Variants in PDE4DIP observed in about 807,000 individuals in gnomAD.
PDE4DIP encodes myomegalin.
Under a neutral mutation model 221.4 loss-of-function variants are expected in PDE4DIP, and 59 were observed. The observed-to-expected ratio is 0.27, with a 90% CI of 0.22 to 0.33. The LOEUF is 0.33. PDE4DIP is among the 10% of genes least tolerant of loss of function. The pLI, the probability that PDE4DIP is intolerant of heterozygous loss-of-function variation, is 1.00. For synonymous variants in PDE4DIP, 404 were observed against 815.9 expected (o/e 0.50, Z 8.60); for missense variants, 1,036 against 2,154.2 (o/e 0.48, Z 10.28).
At chr1:148,964,112 A>ATTTT (rs11401915) in intron 9 of PDE4DIP, among the ~76,000 whole-genome samples, 1 of 92,296 alleles carries the variant, frequency 1.1e-5, no homozygotes, top group Non-Finnish European at 2.2e-5. Flanking sequence ...TCTTTCTTTC[A>ATTTT]TTTTTTTTTT....
chr1:149,009,702 T>C, exon 30 of PDE4DIP: 1 of 1,614,058 alleles, frequency 6.2e-7, no homozygotes, highest in South Asian at 1.1e-5. Context: ...ACCTCTTTCC[T>C]GTCTGATGAA....
intron 23 of PDE4DIP, among the ~76,000 whole-genome samples, chr1:149,000,442 C>T (rs2065355934): frequency 6.6e-6 from 1 of 151,828 alleles, no homozygotes; most frequent in Non-Finnish European, 1.5e-5. Context: ...GTAGTCCCAG[C>T]TACTCGGGAG....
At chr1:149,031,271 C>T in intron 43 of PDE4DIP, 2 of 531,914 alleles carry the variant, frequency 3.8e-6, no homozygotes, top group Non-Finnish European at 4.8e-6. Context: ...ACCCAAAAAT[C>T]TCTAGTATCC....
Position 148,977,920 on chromosome 1 carries a change from G to A in PDE4DIP, c.2320-17G>A, listed in dbSNP as rs370103821. 2.2e-5 allele frequency: 35 copies of A among 1,609,348 alleles called. No individual in the cohort carries two copies. The highest frequency in any genetic ancestry group is 6.7e-5 in the African/African-American group (5 of 74,624). ...TTAAAATGTAAACATGGCAGACATT[G>A]TTTCCTCTTTTCACAGATGGAACTT... On this transcript the variant is annotated splice_polypyrimidine_tract_variant and intron_variant, in intron 17 of 43. Coordinates refer to ENST00000369354, the Ensembl canonical transcript of PDE4DIP.
At position 148,907,271 on chromosome 1, in the gene PDE4DIP, G is replaced by A. The variant is rs6661106; in HGVS notation, c.141+17377G>A. Among the ~76,000 whole-genome samples the A allele has an allele frequency of 3.7e-5, 5 of 135,378 alleles. No homozygotes were observed. The East Asian group carries it at 6.2e-4, about 17-fold the overall frequency. The allele number at this position is 135,378 out of a possible 152,430, so 88.8% of individuals were successfully genotyped here. A position where few individuals can be genotyped will look rare whatever the true frequency, so the allele number is the denominator to read the frequency against. The stretch of plus-strand genomic sequence containing the variant: ...TGCAATTCTGTATCTTTTAAGTGGC[G>A]CATTTCGGCCATTTACATTCAATGT... On this transcript the variant is annotated intron_variant, in intron 1 of 43. Coordinates refer to ENST00000369354, the Ensembl canonical transcript of PDE4DIP.
chr1:148,973,998 ATT>A (rs1280674438), intron 16 of PDE4DIP, among the ~76,000 whole-genome samples: 1 of 20,200 alleles, frequency 5.0e-5, no homozygotes, highest in African/African-American at 2.0e-4. Flanking sequence ...GATGTCCAAT[ATT>A]TTCCTGTTCC....
chr1:149,007,275 G>T (rs782111540), exon 28 of PDE4DIP: 12 of 1,600,420 alleles, frequency 7.5e-6, no homozygotes, highest in Admixed American at 1.7e-5. Context: ...GAAGGGAGAG[G>T]TATTTGTTAT....
intron 1 of PDE4DIP, among the ~76,000 whole-genome samples, chr1:148,855,782 C>G (rs112338902): frequency 5.7e-5 from 8 of 141,340 alleles, no homozygotes; most frequent in African/African-American, 2.0e-4. Context: ...TGTGTTTTTA[C>G]AATTCGGGTG....
chr1:148,979,719 T>C lies in PDE4DIP; in HGVS notation c.2575-18T>C. 2 of 1,609,780 alleles carry C rather than the reference T, an allele frequency of 1.2e-6. No homozygotes were observed. The highest frequency in any genetic ancestry group is 1.7e-6 in the Non-Finnish European group (2 of 1,176,870). On this transcript the variant is annotated intron_variant, in intron 19 of 43. Coordinates refer to ENST00000369354, the Ensembl canonical transcript of PDE4DIP. ...ACTGTGCCATTTGCGTATTGCTTCC[T>C]CTCTCTTCTTTACTCAGTTGCTGCT...
chr1:148,958,858 G>A (rs1170586359), intron 5 of PDE4DIP, among the ~76,000 whole-genome samples: 6 of 151,940 alleles, frequency 3.9e-5, no homozygotes, highest in Non-Finnish European at 8.8e-5. Context: ...TTACATACAT[G>A]GCTCACATTA....
chr1:148,828,852 C>T lies in PDE4DIP; in HGVS notation c.233+20115C>T, dbSNP rs1311596828. On this transcript the variant is annotated intron_variant, in intron 1 of 45. Transcript: ENST00000524974. ...GGTTTGAGGTTTTTGTTATGGCTGACAGACAAGGCTAACCATTGAAAGGGA... is the reference window on the plus strand; with the variant it reads ...GGTTTGAGGTTTTTGTTATGGCTGATAGACAAGGCTAACCATTGAAAGGGA... Among the ~76,000 whole-genome samples, 16 of 151,408 alleles carry T rather than the reference C, an allele frequency of 1.1e-4. 1 individual carries two copies. Among genetic ancestry groups the T allele is most frequent in the African/African-American group, 3.9e-4 (16 of 41,482 alleles).
intron 5 of PDE4DIP, among the ~76,000 whole-genome samples, chr1:148,959,238 ATAGT>A (rs587649019): frequency 1.3e-5 from 2 of 149,784 alleles, no homozygotes; most frequent in Non-Finnish European, 3.0e-5. Flanking sequence ...TGCCTAGCAC[ATAGT>A]TAGTGTGCAA....
At chr1:148,931,950 AGG>A (rs1287711015) in intron 3 of PDE4DIP, 27 bp downstream of exon 6, 1 of 1,500,082 alleles carries the variant, frequency 6.7e-7, no homozygotes, top group Non-Finnish European at 9.3e-7. Context: ...GTCCATAGGT[AGG>A]GGTTCTCTTT....
Position 148,995,615 on chromosome 1 carries a change from A to C in PDE4DIP, c.2905-2528A>C, listed in dbSNP as rs587682459. ...TGAGTTAGGAAATGTGGAAAAAAAA[A>C]CCAATAAGACAGATATAATTAAAAA... On this transcript the variant is annotated intron_variant, in intron 22 of 43. Coordinates refer to ENST00000369354, the Ensembl canonical transcript of PDE4DIP. 2.5e-3 allele frequency among the ~76,000 whole-genome samples: 376 copies of C among 150,440 alleles called. 2 individuals are homozygous for C. Among genetic ancestry groups the C allele is most frequent in the African/African-American group, 7.6e-3 (314 of 41,246 alleles).
At chr1:148,815,168 C>A (rs1473188036) in intron 1 of PDE4DIP, among the ~76,000 whole-genome samples, 3 of 115,488 alleles carry the variant, frequency 2.6e-5, no homozygotes, top group Admixed American at 1.7e-4. Context: ...AGACAAAGAT[C>A]CAAACCTTTC....
intron 17 of PDE4DIP, among the ~76,000 whole-genome samples, chr1:148,975,255 A>C (rs1553536477): frequency 3.4e-5 from 5 of 147,888 alleles, no homozygotes; most frequent in Non-Finnish European, 1.5e-5. Context: ...GAGTTATGAC[A>C]TTAGATCCGT....
chr1:148,968,378 A>AT (rs2058569082), intron 13 of PDE4DIP, among the ~76,000 whole-genome samples: 1 of 145,790 alleles, frequency 6.9e-6, no homozygotes, highest in Non-Finnish European at 1.5e-5. Context: ...TTCCTCCACC[A>AT]TGTGCCATCA....
intron 22 of PDE4DIP, among the ~76,000 whole-genome samples, chr1:148,995,589 G>A (rs587614497): frequency 6.7e-6 from 1 of 150,184 alleles, no homozygotes; most frequent in East Asian, 1.9e-4. Context: ...AATATCACAA[G>A]TGAGTTAGGA....
chr1:148,930,115 C>T (rs587718032), intron 2 of PDE4DIP: 1 of 151,362 alleles, frequency 6.6e-6, no homozygotes, highest in East Asian at 1.9e-4. Context: ...TTATAATTTA[C>T]AGTTTTTTAA....
Sources: gnomAD v4.1 joint callset for allele counts (sites outside exome capture counted in the v4.1 genomes callset) on GRCh38, gnomAD v4.1.1 for gene constraint, MANE v1.5 for transcripts, NCBI Gene and HGNC (gene_info 2026-07-23, HGNC 2026-07-21) for gene names.